The following HERC1 variants were observed in gnomAD, a reference collection of about 807,000 sequenced individuals.
The protein encoded by HERC1 is HECT and RLD domain containing E3 ubiquitin protein ligase family member 1.
HERC1 carries 160 observed loss-of-function variants against 554.3 expected under a neutral mutation model. The observed-to-expected ratio is 0.29, with a 90% CI of 0.25 to 0.33. The LOEUF is 0.33. Ranked by LOEUF, HERC1 falls within the 10% of genes least tolerant of loss-of-function variation. HERC1 has a pLI of 1.00. For missense variants in HERC1, 4,919 were observed against 5,918.5 expected, an observed-to-expected ratio of 0.83 and a Z score of 5.54; for synonymous variants, 2,175 against 2,131.7, an observed-to-expected ratio of 1.02 and a Z score of -0.56.
intron 2 of HERC1, among the ~76,000 whole-genome samples, chr15:63,771,217 G>A (rs566385180): frequency 1.3e-5 from 2 of 151,534 alleles, no homozygotes; most frequent in South Asian, 2.1e-4. Context: ...AAAGAAACAC[G>A]GGTTCTGGAG....
rs748314484 is a variant in HERC1, at chr15:63,747,742, A to T, written c.2336T>A (p.Leu779His). Residue 779 changes from leucine to histidine, a missense_variant, in exon 11 of 78, where the codon CTC becomes CAC. By Grantham distance (99) the Leu-to-His change is moderately conservative. This residue lies in a region of HERC1 where 744 missense variants were observed against 1,090.0 expected (regional missense o/e 0.68). Coordinates refer to ENST00000443617, the MANE Select transcript of HERC1 (RefSeq NM_003922.4). ...AACATACCTTGATGAAGGGAAAGGG[A>T]GTGGGGGAATCTCACTGTTTATTTT... ...CDKINSEIPP[L>H]PFPSSREHHS... The T allele has an allele frequency of 6.5e-7, 1 of 1,548,512 alleles. No individual in the cohort carries two copies. Among genetic ancestry groups the T allele is most frequent in the South Asian group, 1.2e-5 (1 of 83,958 alleles).
intron 1 of HERC1, among the ~76,000 whole-genome samples, chr15:63,801,396 T>C (rs887512681): frequency 6.6e-6 from 1 of 152,148 alleles, no homozygotes; most frequent in African/African-American, 2.4e-5. Context: ...CTCTGGATAG[T>C]GTCAGAATGG....
At position 63,677,719 on chromosome 15, in the gene HERC1, T is replaced by A; in HGVS notation, c.7070+126A>T. The stretch of plus-strand genomic sequence containing the variant: ...ATTACAGTAGAAACATCTAGCTGCA[T>A]GAGAAATATTTTTAAAAGTTAACTG... On this transcript the variant is annotated intron_variant, in intron 37 of 77. Coordinates refer to ENST00000443617, the MANE Select transcript of HERC1 (RefSeq NM_003922.4). This position sits in a 1 kb window ranked among gnomAD's most constrained non-coding sequence, Gnocchi z 4.4. 1 of 1,444,330 alleles carries A rather than the reference T, an allele frequency of 6.9e-7. No individual in the cohort carries two copies. The highest frequency in any genetic ancestry group is 1.4e-5 in the South Asian group (1 of 70,560). The allele number at this position is 1,444,330 out of a possible 1,614,324, so 89.5% of individuals were successfully genotyped here. A position where few individuals can be genotyped will look rare whatever the true frequency, so the allele number is the denominator to read the frequency against.
intron 12 of HERC1, among the ~76,000 whole-genome samples, chr15:63,744,164 G>GTGTGTGTGTGTGTGTGTGTGTCTC: frequency 2.6e-4 from 12 of 46,212 alleles, no homozygotes; most frequent in East Asian, 9.9e-4. Flanking sequence ...GTGTGTGTGT[G>GTGTGTGTGTGTGTGTGTGTGTCTC]TCTCTCTCTC....
chr15:63,611,626 C>T (rs12442511), intron 77 of HERC1, among the ~76,000 whole-genome samples: 3 of 152,174 alleles, frequency 2.0e-5, no homozygotes, highest in Non-Finnish European at 2.9e-5. Context: ...AAGGCCATGC[C>T]TCAGCACAGG....
rs1198524707 is a variant in HERC1 at position 63,643,437 on chromosome 15, T to A, written c.11298A>T (p.Gly3766=). Residue 3766 remains glycine (G), a synonymous_variant, in exon 58 of 78, where the codon GGA becomes GGT. Transcript: ENST00000443617. ...ACCAAATGTTCATGAGCCCACCTAG[T>A]CCACCAGACACCAGGGCCAACCCAT... ...SSDGLALVSG[G]LGGLMNIWSL... 10 of 1,613,482 alleles carry A rather than the reference T, an allele frequency of 6.2e-6. No homozygotes were observed. Among genetic ancestry groups the A allele is most frequent in the Admixed American group, 3.3e-5 (2 of 59,970 alleles).
intron 25 of HERC1, among the ~76,000 whole-genome samples, chr15:63,702,858 T>G (rs962281680): frequency 1.3e-5 from 2 of 152,108 alleles, no homozygotes; most frequent in Non-Finnish European, 2.9e-5. Flanking sequence ...GTAATCCCAG[T>G]ACTTTGGGAG....
At chr15:63,735,143 C>A (rs1003783085) in intron 12 of HERC1, among the ~76,000 whole-genome samples, 10 of 152,020 alleles carry the variant, frequency 6.6e-5, no homozygotes, top group Non-Finnish European at 1.5e-5. Context: ...ATGAATAAGA[C>A]AGACAAAATC....
At position 63,716,471 on chromosome 15, in the gene HERC1, T is replaced by C. The variant is rs752204616; in HGVS notation, c.3981A>G (p.Ile1327Met). Reference protein sequence around the residue: ...QTRSSSRDRWISENQDSADVD... With the variant: ...QTRSSSRDRWMSENQDSADVD... ...CATCTGCAGAGTCCTGGTTTTCTGA[T>C]ATCTTAAAGAAATTATCAGAAACTA... Residue 1327 changes from isoleucine (I) to methionine (M), a missense_variant and splice_region_variant, in exon 22 of 78, where the codon ATA becomes ATG. Transcript: ENST00000443617. 1.9e-6 allele frequency: 3 copies of C among 1,589,052 alleles called. No homozygotes were observed. Among genetic ancestry groups the C allele is most frequent in the Non-Finnish European group, 1.7e-6 (2 of 1,171,568 alleles).
chr15:63,680,788 G>T lies in HERC1; in HGVS notation c.6226-12C>A. On this transcript the variant is annotated splice_polypyrimidine_tract_variant and intron_variant, in intron 34 of 77. Coordinates refer to ENST00000443617, the MANE Select transcript of HERC1 (RefSeq NM_003922.4). This position sits in a 1 kb window ranked among gnomAD's most constrained non-coding sequence, Gnocchi z 5.8. ...TTCACAATATAAAACTAAAATAAAA[G>T]TGGGATATTCATTAATACTCAAAAA... The T allele has an allele frequency of 6.3e-7, 1 of 1,593,592 alleles. No homozygotes were observed. Among genetic ancestry groups the T allele is most frequent in the South Asian group, 1.1e-5 (1 of 90,614 alleles).
Position 63,774,853 on chromosome 15 carries a change from T to C in HERC1, c.771A>G (p.Gln257=), listed in dbSNP as rs778004106. Residue 257 remains glutamine (Q), a synonymous_variant, in exon 2 of 78, where the codon CAA becomes CAG. Coordinates refer to ENST00000443617, the MANE Select transcript of HERC1 (RefSeq NM_003922.4). The part of the protein sequence containing the change: ...ASELLLGLAA[Q]RGSLRYLLEW... ...CAAGAAGATATCGCAATGAGCCTCG[T>C]TGAGCTGCCAAACCAAGCAGCAACT... The C allele has an allele frequency of 3.1e-6, 5 of 1,613,904 alleles. No individual in the cohort carries two copies. The highest frequency in any genetic ancestry group is 1.1e-5 in the South Asian group (1 of 91,094).
chr15:63,669,429 A>C, intron 40 of HERC1, 109 bp downstream of exon 40: 1 of 1,049,366 alleles, frequency 9.5e-7, no homozygotes, highest in Non-Finnish European at 1.4e-6. Context: ...CCCTTCATTA[A>C]AATCACTGTT....
At chr15:63,620,906 T>C (rs560496195) in intron 74 of HERC1, among the ~76,000 whole-genome samples, 1 of 152,346 alleles carries the variant, frequency 6.6e-6, no homozygotes, top group East Asian at 1.9e-4. Flanking sequence ...TGAGATGGGT[T>C]TCCTGAATGC....
rs546196805 is a variant in HERC1 at position 63,769,771 on chromosome 15, G to A, written c.930+4923C>T. Among the ~76,000 whole-genome samples the A allele has an allele frequency of 4.6e-5, 7 of 152,168 alleles. No individual in the cohort carries two copies. In the South Asian group the frequency reaches 1.5e-3, roughly 32 times the overall value. ...CTTGGGAAGTTGAGGCAGGAGAATC[G>A]CTTGAACCCGGGAGGTGGAAGTTGC... On this transcript the variant is annotated intron_variant, in intron 2 of 77. Transcript: ENST00000443617.
At chr15:63,761,952 C>T (rs767305508) in intron 3 of HERC1, among the ~76,000 whole-genome samples, 1 of 152,218 alleles carries the variant, frequency 6.6e-6, no homozygotes, top group Non-Finnish European at 1.5e-5. Flanking sequence ...CATGTATACA[C>T]ATCCTAGCTC....
chr15:63,792,690 G>T (rs1194201216), intron 1 of HERC1, among the ~76,000 whole-genome samples: 1 of 152,138 alleles, frequency 6.6e-6, no homozygotes, highest in Admixed American at 6.5e-5. Context: ...GAACACTTCT[G>T]TGACCAAATG....
chr15:63,648,641 T>G (rs2069483103), intron 54 of HERC1, among the ~76,000 whole-genome samples: 2 of 129,690 alleles, frequency 1.5e-5, no homozygotes. Context: ...CAAAATGTTC[T>G]GTTCTCACAA....
intron 12 of HERC1, among the ~76,000 whole-genome samples, chr15:63,737,518 T>C (rs1293424005): frequency 6.2e-5 from 1 of 16,220 alleles, no homozygotes; most frequent in Non-Finnish European, 1.6e-4. Context: ...TTTTTCCAGA[T>C]ATATATATAT....
Position 63,718,792 on chromosome 15 carries a change from C to T in HERC1, c.3848G>A (p.Gly1283Glu). The change falls in exon 20 of 78, where the codon GGA (glycine) becomes GAA (glutamate). Residue 1283 changes from glycine to glutamate, a missense_variant. Transcript: ENST00000443617. This position sits in a 1 kb window ranked among gnomAD's most constrained non-coding sequence, Gnocchi z 4.2. ...KHTNLLSQAC[G>E]ESRYQPGKHL... is the part of the protein sequence containing the mutation. ...GTTTTAAGTTACTTGCCGGCTTTCT[C>T]CACATGCTTGACTAAGTAAATTTGT... 6.2e-7 allele frequency: 1 copy of T among 1,612,930 alleles called. No individual in the cohort carries two copies. Among genetic ancestry groups the T allele is most frequent in the Non-Finnish European group, 8.5e-7 (1 of 1,179,078 alleles).
Sources: allele counts gnomAD v4.1 joint callset (sites outside exome capture counted in the v4.1 genomes callset), GRCh38; gene constraint gnomAD v4.1.1; regional missense constraint gnomAD v4.1.1; non-coding constraint Gnocchi (gnomAD v3.1); transcripts MANE v1.5; gene names NCBI Gene and HGNC (gene_info 2026-07-23, HGNC 2026-07-21).